Variants in SLC24A2 observed in about 807,000 individuals in gnomAD.
The protein encoded by SLC24A2 is solute carrier family 24 member 2, also known as sodium/potassium/calcium exchanger 2.
SLC24A2 carries 36 observed loss-of-function variants against 62.0 expected under a neutral mutation model. That is an observed-to-expected ratio of 0.58 (90% confidence interval 0.44 to 0.77). The LOEUF (loss-of-function observed/expected upper bound fraction) is 0.77. Ranked by LOEUF, SLC24A2 falls within the 30% of genes least tolerant of loss-of-function variation. The pLI is 0.00. For missense variants in SLC24A2, 846 were observed against 817.9 expected (o/e 1.03, Z -0.42); for synonymous variants, 358 against 294.0 (o/e 1.22, Z -2.23).
chr9:19,915,036 T>C, the SLC24A2 span, among the ~76,000 whole-genome samples: 1 of 152,134 alleles, frequency 6.6e-6, no homozygotes, highest in African/African-American at 2.4e-5. Context: ...CGTACAACTG[T>C]TACCATTAAG....
At chr9:19,856,840 C>T in the SLC24A2 span, among the ~76,000 whole-genome samples, 3 of 152,220 alleles carry the variant, frequency 2.0e-5, no homozygotes, top group African/African-American at 4.8e-5. Context: ...CTGCACTGCA[C>T]TGGGGAGAAA....
At chr9:19,554,926 C>A (rs368671626) in intron 7 of SLC24A2, among the ~76,000 whole-genome samples, 1 of 152,202 alleles carries the variant, frequency 6.6e-6, no homozygotes, top group Non-Finnish European at 1.5e-5. Context: ...CATGCTGTGA[C>A]TGCATTTGCT....
intron 7 of SLC24A2, among the ~76,000 whole-genome samples, chr9:19,554,899 C>T (rs551444727): frequency 3.9e-5 from 6 of 152,146 alleles, no homozygotes; most frequent in East Asian, 1.9e-4. Context: ...GCAATGCTTC[C>T]GGGATAAAGG....
intron 5 of SLC24A2, among the ~76,000 whole-genome samples, chr9:19,596,304 A>G (rs1010286492): frequency 3.3e-5 from 5 of 152,240 alleles, no homozygotes; most frequent in African/African-American, 1.2e-4. Flanking sequence ...AGATGAACTG[A>G]TTCCTCTGTG....
the SLC24A2 span, among the ~76,000 whole-genome samples, chr9:19,940,036 C>T: frequency 1.3e-5 from 2 of 152,232 alleles, no homozygotes; most frequent in African/African-American, 2.4e-5. Flanking sequence ...TCACTTCTCA[C>T]GACACCCTTG....
Position 19,704,109 on chromosome 9 carries a change from G to A in SLC24A2, c.931-81810C>T, listed in dbSNP as rs1587182851. ...ATTTCAACCTTTGCTACTAAAACGT[G>A]ATCTGTGGACCAATATTTTCACCTA... On this transcript the variant is annotated intron_variant, in intron 2 of 10. Coordinates refer to ENST00000341998, the MANE Select transcript of SLC24A2 (RefSeq NM_020344.4). 2.6e-5 allele frequency among the ~76,000 whole-genome samples: 4 copies of A among 151,674 alleles called. 1 individual carries two copies. In the Middle Eastern group the frequency reaches 0.014, roughly 516 times the overall value.
chr9:19,704,558 A>T (rs1820453666), intron 2 of SLC24A2, among the ~76,000 whole-genome samples: 1 of 152,174 alleles, frequency 6.6e-6, no homozygotes, highest in Admixed American at 6.5e-5. Flanking sequence ...TAATAAAACT[A>T]TATTTTCAAT....
chr9:20,278,676 A>G, the SLC24A2 span, among the ~76,000 whole-genome samples: 1 of 152,312 alleles, frequency 6.6e-6, no homozygotes, highest in Admixed American at 6.5e-5. Flanking sequence ...ACTTTCCCAC[A>G]TCGTCCTGTC....
At chr9:19,719,942 G>C (rs1022513314) in intron 2 of SLC24A2, among the ~76,000 whole-genome samples, 6 of 152,158 alleles carry the variant, frequency 3.9e-5, no homozygotes, top group African/African-American at 1.4e-4. Flanking sequence ...CATGGTCTCA[G>C]TCTTCAACTG....
chr9:19,960,386 T>C, the SLC24A2 span, among the ~76,000 whole-genome samples: 1 of 152,184 alleles, frequency 6.6e-6, no homozygotes, highest in Non-Finnish European at 1.5e-5. Flanking sequence ...CCACTTATAA[T>C]TGACTTCACT....
At chr9:20,227,978 C>T in the SLC24A2 span, among the ~76,000 whole-genome samples, 3 of 152,268 alleles carry the variant, frequency 2.0e-5, no homozygotes, top group Admixed American at 2.0e-4. Context: ...CTCTTCCCTC[C>T]AGAATAGAAT....
chr9:19,667,679 G>A (rs1369348391), intron 2 of SLC24A2, among the ~76,000 whole-genome samples: 2 of 152,126 alleles, frequency 1.3e-5, no homozygotes, highest in South Asian at 2.1e-4. Context: ...TGGAGGGTCA[G>A]CTCCCTGGAA....
chr9:20,072,525 T>C, the SLC24A2 span, among the ~76,000 whole-genome samples: 10 of 152,314 alleles, frequency 6.6e-5, no homozygotes, highest in African/African-American at 2.2e-4. Context: ...GCGATCTATA[T>C]AATATATTGT....
At chr9:20,082,753 G>A in the SLC24A2 span, among the ~76,000 whole-genome samples, 18 of 152,232 alleles carry the variant, frequency 1.2e-4, no homozygotes, top group African/African-American at 4.1e-4. Context: ...GGCAGAGATT[G>A]TAGCTTGGAA....
chr9:19,754,700 C>T (rs1822086017), intron 2 of SLC24A2, among the ~76,000 whole-genome samples: 1 of 151,034 alleles, frequency 6.6e-6, no homozygotes, highest in African/African-American at 2.4e-5. Context: ...ATCCTAAGCA[C>T]TGAATGGCAG....
chr9:19,746,108 C>CT (rs548736762), intron 2 of SLC24A2, among the ~76,000 whole-genome samples: 288 of 146,232 alleles, frequency 2.0e-3, no homozygotes, highest in African/African-American at 5.9e-3. Context: ...TTTTTTCTCT[C>CT]TTTTTTTTTT....
chr9:19,559,460 T>TA (rs1835283992), intron 7 of SLC24A2, among the ~76,000 whole-genome samples: 2 of 152,224 alleles, frequency 1.3e-5, no homozygotes, highest in South Asian at 4.1e-4. Flanking sequence ...AGGCAAGCTT[T>TA]AAGTAGACTT....
chr9:19,529,217 T>G (rs1833579668), intron 8 of SLC24A2, among the ~76,000 whole-genome samples: 1 of 152,198 alleles, frequency 6.6e-6, no homozygotes, highest in Non-Finnish European at 1.5e-5. Flanking sequence ...GAAATGAATT[T>G]TAGAGTTGAC....
At chr9:19,885,820 G>A in the SLC24A2 span, among the ~76,000 whole-genome samples, 6 of 152,042 alleles carry the variant, frequency 3.9e-5, no homozygotes, top group Middle Eastern at 3.4e-3. Context: ...TCATTGTTTC[G>A]GTTCCATTTA....
Sources: gnomAD v4.1 joint callset for allele counts (sites outside exome capture counted in the v4.1 genomes callset) on GRCh38, gnomAD v4.1.1 for gene constraint, MANE v1.5 for transcripts, NCBI Gene and HGNC (gene_info 2026-07-23, HGNC 2026-07-21) for gene names.